The following CEMIP variants were observed in gnomAD, a reference collection of about 807,000 sequenced individuals.
CEMIP encodes the protein cell migration inducing hyaluronidase 1.
A neutral mutation model predicts 156.9 loss-of-function variants in CEMIP; 105 were observed. That is an observed-to-expected ratio of 0.67 (90% CI 0.57 to 0.79). CEMIP has a LOEUF of 0.79. Among genes scored for constraint, CEMIP ranks in the 30% least tolerant of loss-of-function variants. The pLI is 0.00. For missense variants in CEMIP, 1,457 were observed against 1,769.4 expected (o/e 0.82, Z 3.17); for synonymous variants, 676 against 668.4 (o/e 1.01, Z -0.17).
At chr15:80,830,928 T>C (rs11631317) in intron 1 of CEMIP, among the ~76,000 whole-genome samples, 79,472 of 151,968 alleles carry the variant, frequency 0.52, 20,764 homozygotes, top group East Asian at 0.6. Flanking sequence ...CATTAAGTCA[T>C]TCAACATGTA....
chr15:80,785,120 C>T (rs1305332819), intron 1 of CEMIP, among the ~76,000 whole-genome samples: 7 of 152,160 alleles, frequency 4.6e-5, no homozygotes, highest in African/African-American at 9.7e-5. Flanking sequence ...TACTTTTAAG[C>T]GCAAGATCGT....
chr15:80,890,685 C>T (rs1899008041), intron 10 of CEMIP, among the ~76,000 whole-genome samples: 1 of 152,078 alleles, frequency 6.6e-6, no homozygotes, highest in African/African-American at 2.4e-5. Flanking sequence ...ATTTGTACAA[C>T]ACTTTTTCCT....
At chr15:80,917,687 G>C (rs1385898314) in intron 14 of CEMIP, among the ~76,000 whole-genome samples, 1 of 152,224 alleles carries the variant, frequency 6.6e-6, no homozygotes, top group Non-Finnish European at 1.5e-5. Flanking sequence ...CTGGAACAGA[G>C]CTACTTGCTT....
intron 1 of CEMIP, among the ~76,000 whole-genome samples, chr15:80,825,244 G>A (rs1897005573): frequency 6.6e-6 from 1 of 152,204 alleles, no homozygotes; most frequent in Non-Finnish European, 1.5e-5. Context: ...AAGTGTGTGT[G>A]TGTGTGTGTG....
intron 1 of CEMIP, chr15:80,842,140 T>C (rs1461125915): frequency 2.0e-6 from 1 of 506,378 alleles, no homozygotes; most frequent in East Asian, 5.6e-5. Context: ...TAGAAACACG[T>C]TGGGTACCAT....
chr15:80,859,814 A>G (rs1897941267), intron 1 of CEMIP, among the ~76,000 whole-genome samples: 1 of 152,166 alleles, frequency 6.6e-6, no homozygotes, highest in Non-Finnish European at 1.5e-5. Context: ...GTTGGTGGAG[A>G]GAAGTAAACA....
Position 80,936,764 on chromosome 15 carries a change from C to A in CEMIP, c.3100C>A (p.Leu1034Ile). ...CCACCCTCTTTACCTGGAGGGGGCG[C>A]TCACCAGGAGCACCCATTACCAGCA... The part of the protein sequence containing the change: ...PSHPLYLEGA[L>I]TRSTHYQQYQ... The change falls in exon 24 of 30, where the codon CTC (leucine) becomes ATC (isoleucine). Residue 1034 changes from leucine to isoleucine, a missense_variant. Leu to Ile is a conservative substitution (Grantham distance 5, BLOSUM62 2). Transcript: ENST00000394685. 1 of 1,614,184 alleles carries A rather than the reference C, an allele frequency of 6.2e-7. No individual in the cohort carries two copies. The highest frequency in any genetic ancestry group is 1.1e-5 in the South Asian group (1 of 91,088).
intron 14 of CEMIP, among the ~76,000 whole-genome samples, chr15:80,916,579 CTATCTGTCTATCCATCTATCTA>C (rs778483020): frequency 5.0e-4 from 76 of 152,210 alleles, no homozygotes; most frequent in Non-Finnish European, 1.6e-4. Flanking sequence ...TATGTATCTG[CTATCTGTCTATCCATCTATCTA>C]TATCTATCTA....
chr15:80,839,289 A>AGTGTGTGTGTGTGTGTGTGTGTGTGT (rs34172431), intron 1 of CEMIP, among the ~76,000 whole-genome samples: 29 of 131,180 alleles, frequency 2.2e-4, no homozygotes, highest in African/African-American at 8.6e-4. Context: ...CAAGGCCGTG[A>AGTGTGTGTGTGTGTGTGTGTGTGTGT]GTGTGTGTGT....
chr15:80,906,937 A>G lies in CEMIP; in HGVS notation c.1587+99A>G. On this transcript the variant is annotated intron_variant, in intron 13 of 29. Coordinates refer to ENST00000394685, the MANE Select transcript of CEMIP (RefSeq NM_001293298.2). This position sits in a 1 kb window ranked among gnomAD's most constrained non-coding sequence, Gnocchi z 4.3. ...TCTTGGTAGGGATGAGGGTGGGGGAACAGGAGGTGGGATCAAGGGGAGGGC... is the reference window on the plus strand; with the variant it reads ...TCTTGGTAGGGATGAGGGTGGGGGAGCAGGAGGTGGGATCAAGGGGAGGGC... The G allele has an allele frequency of 7.4e-7, 1 of 1,356,972 alleles. No individual in the cohort carries two copies. The highest frequency in any genetic ancestry group is 1.0e-6 in the Non-Finnish European group (1 of 972,564). The allele number at this position is 1,356,972 out of a possible 1,614,324, so 84.1% of individuals were successfully genotyped here.
Position 80,821,772 on chromosome 15 carries a change from T to C in CEMIP, c.-176+42158T>C, listed in dbSNP as rs1596112021. On this transcript the variant is annotated intron_variant, in intron 1 of 29. Transcript: ENST00000394685. ...AGGTGCCCATGGGCCATGGAACAAA[T>C]TGGGGCTGAAAGGAGAAGGAGGACT... Among the ~76,000 whole-genome samples, 2 of 152,292 alleles carry C rather than the reference T, an allele frequency of 1.3e-5. 1 individual carries two copies. The highest frequency in any genetic ancestry group is 3.9e-4 in the East Asian group (2 of 5,186).
intron 7 of CEMIP, among the ~76,000 whole-genome samples, chr15:80,886,586 G>A (rs28678260): frequency 0.054 from 8,207 of 152,230 alleles, 285 homozygotes; most frequent in African/African-American, 0.1. Context: ...ACTCTTCTAA[G>A]TTCTTGACTG....
At chr15:80,888,566 TTTATTTAC>T in intron 8 of CEMIP, 127 bp from the exon 9 acceptor site, 1 of 697,100 alleles carries the variant, frequency 1.4e-6, no homozygotes, top group Non-Finnish European at 2.6e-6. Flanking sequence ...CTAATTTTCT[TTTATTTAC>T]TTAAAAAATA....
chr15:80,848,309 C>G (rs1022151371), intron 1 of CEMIP, among the ~76,000 whole-genome samples: 4 of 152,186 alleles, frequency 2.6e-5, no homozygotes, highest in Admixed American at 2.6e-4. Context: ...CTCCACAGTT[C>G]TGGGAAACGG....
At chr15:80,823,768 A>G (rs975514253) in intron 1 of CEMIP, among the ~76,000 whole-genome samples, 5 of 152,240 alleles carry the variant, frequency 3.3e-5, no homozygotes, top group Admixed American at 2.0e-4. Context: ...GACTGAGGTC[A>G]AAATGAAGGC....
rs1420934772 is a variant in CEMIP at position 80,932,137 on chromosome 15, G to A, written c.2793+98G>A. On this transcript the variant is annotated intron_variant, in intron 22 of 29. Coordinates refer to ENST00000394685, the MANE Select transcript of CEMIP (RefSeq NM_001293298.2). This position sits in a 1 kb window ranked among gnomAD's most constrained non-coding sequence, Gnocchi z 4.5. The stretch of plus-strand genomic sequence containing the variant: ...CAGAGTTTGAGCTATTGCCACCACC[G>A]CAGGGGTTGAGAAGCCTCCTCCAAC... 1.4e-5 allele frequency: 19 copies of A among 1,406,674 alleles called. No homozygotes were observed. Among genetic ancestry groups the A allele is most frequent in the South Asian group, 8.1e-5 (7 of 86,128 alleles). The allele number at this position is 1,406,674 out of a possible 1,614,324, so 87.1% of individuals were successfully genotyped here.
chr15:80,921,874 G>T, intron 16 of CEMIP, 135 bp from the exon 17 acceptor site: 2 of 1,040,480 alleles, frequency 1.9e-6, no homozygotes, highest in South Asian at 2.6e-5. Flanking sequence ...TGTGTTGGGG[G>T]TGGGCACCGA....
chr15:80,931,008 T>C lies in CEMIP; in HGVS notation c.2613-851T>C, dbSNP rs1443613377. ...TCGCAGACCCTTGCTTCCTGTGCTC[T>C]GCTCAGGAGTCTGAGGCAATGGGAG... On this transcript the variant is annotated intron_variant, in intron 21 of 29. Transcript: ENST00000394685. 6.6e-5 allele frequency among the ~76,000 whole-genome samples: 10 copies of C among 152,172 alleles called. 1 individual carries two copies. Among genetic ancestry groups the C allele is most frequent in the Admixed American group, 6.5e-4 (10 of 15,286 alleles).
rs1179463898 is a variant in CEMIP, at chr15:80,889,573, A to G, written c.1067A>G (p.Asn356Ser). Reference sequence around the variant, plus strand: ...AAAGCTCACCCAGGAAAAATATGCAATCGTCCCATTGATATACAGGTACCA... The same window carrying G: ...AAAGCTCACCCAGGAAAAATATGCAGTCGTCCCATTGATATACAGGTACCA... ...LWKAHPGKIC[N>S]RPIDIQATTM... is the part of the protein sequence containing the mutation. The change falls in exon 10 of 30, where the codon AAT becomes AGT. Residue 356 changes from asparagine (N) to serine (S), a missense_variant. Transcript: ENST00000394685. The G allele has an allele frequency of 1.2e-6, 2 of 1,614,076 alleles. No homozygotes were observed. Among genetic ancestry groups the G allele is most frequent in the Admixed American group, 1.7e-5 (1 of 60,004 alleles).
Sources: allele counts gnomAD v4.1 joint callset (sites outside exome capture counted in the v4.1 genomes callset), GRCh38; gene constraint gnomAD v4.1.1; non-coding constraint Gnocchi (gnomAD v3.1); transcripts MANE v1.5; gene names NCBI Gene and HGNC (gene_info 2026-07-23, HGNC 2026-07-21).